FBXO31: variants seen among roughly 807,000 people sequenced by gnomAD.
FBXO31 encodes F-box only protein 31.
FBXO31 carries 24 observed loss-of-function variants against 54.4 expected under a neutral mutation model. That is an observed-to-expected ratio of 0.44 (90% confidence interval 0.32 to 0.62). The LOEUF (loss-of-function observed/expected upper bound fraction) is 0.62. Among genes scored for constraint, FBXO31 ranks in the 20% least tolerant of loss-of-function variants. The pLI is 0.05. For missense variants in FBXO31, 665 were observed against 787.1 expected, an observed-to-expected ratio of 0.84 and a Z score of 1.86; for synonymous variants, 388 against 335.6, an observed-to-expected ratio of 1.16 and a Z score of -1.71.
intron 3 of FBXO31, 149 bp downstream of exon 3, chr16:87,347,024 GA>G: frequency 4.0e-6 from 3 of 741,366 alleles, no homozygotes; most frequent in Non-Finnish European, 7.1e-6. Context: ...ATTGGCTCCT[GA>G]AAAGTGACAG....
chr16:87,363,167 C>T (rs984832379), intron 1 of FBXO31, among the ~76,000 whole-genome samples: 1 of 152,054 alleles, frequency 6.6e-6, no homozygotes, highest in Admixed American at 6.6e-5. Flanking sequence ...GGAAGATCAC[C>T]TGAGGTTGGG....
chr16:87,347,197 A>T lies in FBXO31; in HGVS notation c.466T>A (p.Tyr156Asn). Residue 156 changes from tyrosine (Y) to asparagine (N), a missense_variant, in exon 3 of 9, where the codon TAC becomes AAC. Around this residue, in one of 4 missense-constraint regions of FBXO31, gnomAD observed 234 missense variants for 346.8 expected, o/e 0.67. Coordinates refer to ENST00000311635, the MANE Select transcript of FBXO31 (RefSeq NM_024735.5). ...LGLWQPDIGP[Y>N]GGLLNVVVDG... ...ACCACCACGTTCAGCAGTCCTCCGT[A>T]TGGCCCGATATCTGGCTGCCACAAT... 6.2e-7 allele frequency: 1 copy of T among 1,614,130 alleles called. No homozygotes were observed. The highest frequency in any genetic ancestry group is 8.5e-7 in the Non-Finnish European group (1 of 1,179,998).
intron 1 of FBXO31, among the ~76,000 whole-genome samples, chr16:87,365,038 T>TATATA (rs1031091236): frequency 4.5e-5 from 5 of 110,816 alleles, no homozygotes; most frequent in African/African-American, 1.7e-4. Flanking sequence ...TATATATATA[T>TATATA]ATCAGGCAGG....
upstream of FBXO31, chr16:87,384,034 G>A (rs892784867): frequency 1.0e-4 from 19 of 187,796 alleles, no homozygotes; most frequent in African/African-American, 1.4e-4. Flanking sequence ...CCCCGTGTGA[G>A]GCTCGAACTC....
intron 5 of FBXO31, 113 bp downstream of exon 5, chr16:87,342,764 G>T: frequency 1.2e-6 from 1 of 820,224 alleles, no homozygotes; most frequent in Non-Finnish European, 1.9e-6. Context: ...ATGTGAAACA[G>T]CCACCATGCA....
At position 87,334,215 on chromosome 16, in the gene FBXO31, G is replaced by A. The variant is rs797003630; in HGVS notation, c.1068C>T (p.Asp356=). Residue 356 remains aspartate, a synonymous_variant, in exon 8 of 9, where the codon GAC becomes GAT. Coordinates refer to ENST00000311635, the MANE Select transcript of FBXO31 (RefSeq NM_024735.5). ...CATTGAAGTTGCGCTGGTTCTCGAG[G>A]TCGGGCAGCTGGATCCGATGCCTCA... ...IDLRHRIQLP[D]LENQRNFNEL... 1.9e-6 allele frequency: 3 copies of A among 1,612,188 alleles called. No individual in the cohort carries two copies. In the African/African-American group the frequency reaches 4.0e-5, roughly 21 times the overall value.
intron 1 of FBXO31, among the ~76,000 whole-genome samples, chr16:87,365,262 G>A (rs930126227): frequency 2.0e-5 from 3 of 151,224 alleles, no homozygotes; most frequent in African/African-American, 7.3e-5. Context: ...CAGGGGCAGC[G>A]AGCTCCCTGG....
Position 87,334,095 on chromosome 16 carries a change from G to T in FBXO31, c.1188C>A (p.Gly396=). ...HEAGEGRGRQ[G]PRESQPSPAQ... ...CAGGGCTTGGCTGGGACTCCCGGGG[G>T]CCCTGCCGGCCACGACCCTCGCCCG... The change falls in exon 8 of 9, where the codon GGC becomes GGA. Residue 396 remains glycine, a synonymous_variant. Coordinates refer to ENST00000311635, the MANE Select transcript of FBXO31 (RefSeq NM_024735.5). 6.2e-7 allele frequency: 1 copy of T among 1,610,138 alleles called. No homozygotes were observed. Among genetic ancestry groups the T allele is most frequent in the African/African-American group, 1.3e-5 (1 of 74,976 alleles).
chr16:87,337,544 C>G (rs1905073429), intron 5 of FBXO31, among the ~76,000 whole-genome samples: 1 of 152,212 alleles, frequency 6.6e-6, no homozygotes, highest in African/African-American at 2.4e-5. Context: ...AGTATAAGCT[C>G]CCGTCATGAC....
chr16:87,380,142 A>G (rs1907010815), intron 1 of FBXO31, among the ~76,000 whole-genome samples: 1 of 151,702 alleles, frequency 6.6e-6, no homozygotes, highest in African/African-American at 2.4e-5. Flanking sequence ...TACTAAAAAT[A>G]CAAAAATTAG....
At chr16:87,344,223 C>G (rs901023450) in intron 3 of FBXO31, among the ~76,000 whole-genome samples, 1 of 152,230 alleles carries the variant, frequency 6.6e-6, no homozygotes, top group Non-Finnish European at 1.5e-5. Flanking sequence ...CACCCCCTTT[C>G]TTAGGGCGCT....
intron 1 of FBXO31, among the ~76,000 whole-genome samples, chr16:87,370,299 G>T (rs568197339): frequency 8.7e-4 from 133 of 152,176 alleles, no homozygotes; most frequent in Non-Finnish European, 9.7e-4. Context: ...GGGATGGGAG[G>T]GACAGGGACA....
chr16:87,348,633 A>T (rs1905503630), intron 2 of FBXO31, among the ~76,000 whole-genome samples: 1 of 152,174 alleles, frequency 6.6e-6, no homozygotes, highest in South Asian at 2.1e-4. Context: ...GGGCAGAGGC[A>T]GCCGGCCCAG....
intron 1 of FBXO31, among the ~76,000 whole-genome samples, chr16:87,380,816 C>T (rs530937666): frequency 6.6e-6 from 1 of 152,234 alleles, no homozygotes; most frequent in East Asian, 1.9e-4. Flanking sequence ...TGTCCCCAGT[C>T]GCTTTCTACA....
chr16:87,331,463 T>C lies in FBXO31; in HGVS notation c.1445A>G (p.Glu482Gly), dbSNP rs1413972280. The change falls in exon 9 of 9, where the codon GAA becomes GGA. Residue 482 changes from glutamate (E) to glycine (G), a missense_variant. Transcript: ENST00000311635. ...LIAGHGFTSPERTPGVFILFD... is the reference protein window; with the variant it reads ...LIAGHGFTSPGRTPGVFILFD... ...GAGGATGAAGACCCCGGGGGTGCGT[T>C]CAGGGCTGGTGAAGCCGTGGCCCGC... is the stretch of plus-strand genomic sequence containing the variant. 6.2e-7 allele frequency: 1 copy of C among 1,612,872 alleles called. No homozygotes were observed. The highest frequency in any genetic ancestry group is 1.3e-5 in the African/African-American group (1 of 74,928).
At position 87,380,444 on chromosome 16, in the gene FBXO31, C is replaced by A. The variant is rs573629064; in HGVS notation, c.340+2961G>T. Among the ~76,000 whole-genome samples the A allele has an allele frequency of 2.1e-3, 313 of 152,204 alleles. 1 individual carries two copies. The highest frequency in any genetic ancestry group is 7.1e-3 in the African/African-American group (297 of 41,552). On this transcript the variant is annotated intron_variant, in intron 1 of 8. Coordinates refer to ENST00000311635, the MANE Select transcript of FBXO31 (RefSeq NM_024735.5). ...TGCGAAAGGGTCTCACTCTGTCACC[C>A]GGACTGGAGTGCAGTAGCATGTTCA...
rs955959924 is a variant in FBXO31 at position 87,333,698 on chromosome 16, C to T, written c.1397+188G>A. On this transcript the variant is annotated intron_variant, in intron 8 of 8. Transcript: ENST00000311635. ...GCCTCCAAGACGGGACCCAGCTGCG[C>T]GGCCGCTTGCTCAGGTGCTGGGGAA... Among the ~76,000 whole-genome samples, 4 of 152,170 alleles carry T rather than the reference C, an allele frequency of 2.6e-5. No homozygotes were observed. The South Asian group carries it at 6.2e-4, about 24-fold the overall frequency.
chr16:87,386,318 GAC>G, upstream of FBXO31: 1 of 152,344 alleles, frequency 6.6e-6, no homozygotes, highest in Admixed American at 6.5e-5. Flanking sequence ...ATTCGGGAAT[GAC>G]ACAGTGATGA....
chr16:87,332,585 C>T (rs182950912), intron 8 of FBXO31, among the ~76,000 whole-genome samples: 1 of 152,146 alleles, frequency 6.6e-6, no homozygotes, highest in Non-Finnish European at 1.5e-5. Flanking sequence ...CCCCAGTCAC[C>T]GTTATCATAC....
Sources: allele counts gnomAD v4.1 joint callset (sites outside exome capture counted in the v4.1 genomes callset), GRCh38; gene constraint gnomAD v4.1.1; regional missense constraint gnomAD v4.1.1; transcripts MANE v1.5; gene names NCBI Gene and HGNC (gene_info 2026-07-23, HGNC 2026-07-21).